Variants in RYR3 observed in about 807,000 individuals in gnomAD.
RYR3 encodes ryanodine receptor 3.
In RYR3, 207 loss-of-function variants were observed where a neutral mutation model predicts 584.3. The observed-to-expected ratio is 0.35, with a 90% CI of 0.32 to 0.40. The LOEUF is 0.40. Among genes scored for constraint, RYR3 ranks in the 10% least tolerant of loss-of-function variants. The pLI is 1.00. For synonymous variants in RYR3, 2,416 were observed against 2,248.5 expected (o/e 1.07, Z -2.11); for missense variants, 5,616 against 6,089.2 (o/e 0.92, Z 2.59).
chr15:33,425,866 TCTC>T (rs1490843336), intron 1 of RYR3, among the ~76,000 whole-genome samples: 3 of 152,022 alleles, frequency 2.0e-5, no homozygotes, highest in East Asian at 1.9e-4. Context: ...ATGGTCTCAA[TCTC>T]CTGACCTCGT....
At chr15:33,781,625 C>A (rs748745062) in intron 65 of RYR3, among the ~76,000 whole-genome samples, 5 of 152,120 alleles carry the variant, frequency 3.3e-5, no homozygotes, top group Admixed American at 6.6e-5. Context: ...GTAAGAGGAG[C>A]ACATTGCCCC....
At chr15:33,318,040 T>C (rs1968442477) in intron 1 of RYR3, among the ~76,000 whole-genome samples, 1 of 152,216 alleles carries the variant, frequency 6.6e-6, no homozygotes, top group South Asian at 2.1e-4. Flanking sequence ...TAAAATCAGA[T>C]TACAAAGAGA....
At chr15:33,404,819 A>G (rs1031458839) in intron 1 of RYR3, among the ~76,000 whole-genome samples, 1 of 152,232 alleles carries the variant, frequency 6.6e-6, no homozygotes, top group Non-Finnish European at 1.5e-5. Context: ...TTTCATTTGT[A>G]TACATAACTT....
chr15:33,338,103 C>T, intron 1 of RYR3, among the ~76,000 whole-genome samples: 1 of 152,004 alleles, frequency 6.6e-6, no homozygotes, highest in East Asian at 1.9e-4. Flanking sequence ...CGCCACCACG[C>T]CCGGCTAAGT....
intron 1 of RYR3, among the ~76,000 whole-genome samples, chr15:33,334,384 T>C (rs1400481860): frequency 6.6e-6 from 1 of 152,142 alleles, no homozygotes; most frequent in Non-Finnish European, 1.5e-5. Flanking sequence ...ACCACACACC[T>C]ACAACTATTG....
chr15:33,503,359 T>C (rs2052173371), intron 2 of RYR3, among the ~76,000 whole-genome samples: 1 of 151,962 alleles, frequency 6.6e-6, no homozygotes. Flanking sequence ...GGCAAGGCTA[T>C]ATCTGTGTTC....
intron 49 of RYR3, 26 bp downstream of exon 49, chr15:33,736,351 TAC>T (rs1481468954): frequency 1.3e-6 from 2 of 1,489,288 alleles, no homozygotes; most frequent in Non-Finnish European, 1.9e-6. Flanking sequence ...GTTACAGAAA[TAC>T]AGTCTATTGC....
intron 94 of RYR3, chr15:33,849,424 G>A (rs2078946285): frequency 6.6e-6 from 1 of 152,288 alleles, no homozygotes; most frequent in Non-Finnish European, 1.5e-5. Flanking sequence ...AGAAGGATGA[G>A]AATATCATCC....
At chr15:33,651,959 C>G (rs1015058876) in intron 31 of RYR3, among the ~76,000 whole-genome samples, 1 of 152,198 alleles carries the variant, frequency 6.6e-6, no homozygotes, top group Non-Finnish European at 1.5e-5. Flanking sequence ...CCACAGCTCA[C>G]CTGGGATGTG....
At chr15:33,862,726 T>G (rs143503491) in intron 102 of RYR3, among the ~76,000 whole-genome samples, 4,940 of 152,302 alleles carry the variant, frequency 0.032, 159 homozygotes, top group Non-Finnish European at 0.039. Context: ...TTCTCCTGCC[T>G]CAGCCTCCTG....
At position 33,865,158 on chromosome 15, in the gene RYR3, G is replaced by A; in HGVS notation, c.14545G>A (p.Glu4849Lys). 6.2e-7 allele frequency: 1 copy of A among 1,613,718 alleles called. No individual in the cohort carries two copies. The highest frequency in any genetic ancestry group is 8.5e-7 in the Non-Finnish European group (1 of 1,179,746). Reference sequence around the variant, plus strand: ...ATCTTATGTCTGGAAGATGTACCAAGAAAGGTGTTGGGATTTCTTCCCAGC... The same window carrying A: ...ATCTTATGTCTGGAAGATGTACCAAAAAAGGTGTTGGGATTTCTTCCCAGC... ...QESYVWKMYQ[E>K]RCWDFFPAGD... is the part of the protein sequence containing the mutation. Residue 4849 changes from glutamate to lysine, a missense_variant, in exon 104 of 104, where the codon GAA becomes AAA. Glu to Lys is a moderately conservative substitution (Grantham distance 56). Coordinates refer to ENST00000634891, the MANE Select transcript of RYR3 (RefSeq NM_001036.6).
At chr15:33,488,384 G>A (rs1300964787) in intron 2 of RYR3, among the ~76,000 whole-genome samples, 2 of 150,332 alleles carry the variant, frequency 1.3e-5, no homozygotes, top group Admixed American at 6.6e-5. Flanking sequence ...TTTTGGTCTC[G>A]ATTAGCAGTA....
chr15:33,396,629 A>AGTGCTG (rs1307772671), intron 1 of RYR3, among the ~76,000 whole-genome samples: 5 of 152,198 alleles, frequency 3.3e-5, no homozygotes, highest in Non-Finnish European at 5.9e-5. Flanking sequence ...CTGCCTGTGT[A>AGTGCTG]CAAATCTAAT....
chr15:33,436,679 T>C (rs2045759043), intron 1 of RYR3, among the ~76,000 whole-genome samples: 2 of 151,504 alleles, frequency 1.3e-5, no homozygotes, highest in Admixed American at 1.3e-4. Flanking sequence ...TTTTTTTTTG[T>C]ATTTTTAGTA....
Position 33,530,605 on chromosome 15 carries a change from G to A in RYR3, c.293G>A (p.Gly98Asp). 6.2e-7 allele frequency: 1 copy of A among 1,613,270 alleles called. No homozygotes were observed. The highest frequency in any genetic ancestry group is 8.5e-7 in the Non-Finnish European group (1 of 1,179,360). The change falls in exon 4 of 104, where the codon GGT becomes GAT. Residue 98 changes from glycine to aspartate, a missense_variant. Coordinates refer to ENST00000634891, the MANE Select transcript of RYR3 (RefSeq NM_001036.6). Reference sequence around the variant, plus strand: ...TCATTCCCACAGGCAGCACAAGGAGGTGGCCACAGGACCCTGTTATACGGC... The same window carrying A: ...TCATTCCCACAGGCAGCACAAGGAGATGGCCACAGGACCCTGTTATACGGC... ...ENGGEGAAQG[G>D]GHRTLLYGHA...
In RYR3 at chr15:33,613,182, G is replaced by T; in HGVS notation, c.2165-1G>T. On this transcript the variant is annotated splice_acceptor_variant, in intron 18 of 103. Transcript: ENST00000634891. LOFTEE classifies it high-confidence loss of function. ...CCTTCTTCCTGTTCTTTCCTCACCA[G>T]GCCGGATACCCAGAGCTGTGGCTTC... The T allele has an allele frequency of 6.2e-7, 1 of 1,612,790 alleles. No individual in the cohort carries two copies. The highest frequency in any genetic ancestry group is 1.1e-5 in the South Asian group (1 of 90,846).
intron 20 of RYR3, among the ~76,000 whole-genome samples, chr15:33,624,369 A>C (rs2060878255): frequency 6.6e-6 from 1 of 152,244 alleles, no homozygotes; most frequent in African/African-American, 2.4e-5. Flanking sequence ...GACAGTATGC[A>C]CCAGTAAATA....
At chr15:33,398,466 G>C (rs1453490456) in intron 1 of RYR3, among the ~76,000 whole-genome samples, 1 of 152,260 alleles carries the variant, frequency 6.6e-6, no homozygotes, top group East Asian at 1.9e-4. Flanking sequence ...GAGACAGATG[G>C]GTTAAATGAT....
At chr15:33,824,326 T>C (rs1165400981) in intron 81 of RYR3, among the ~76,000 whole-genome samples, 1 of 152,248 alleles carries the variant, frequency 6.6e-6, no homozygotes, top group African/African-American at 2.4e-5. Flanking sequence ...GGGTTTTTTA[T>C]GATTATAAGA....
Sources: gnomAD v4.1 joint callset for allele counts (sites outside exome capture counted in the v4.1 genomes callset) on GRCh38, gnomAD v4.1.1 for gene constraint, MANE v1.5 for transcripts, NCBI Gene and HGNC (gene_info 2026-07-23, HGNC 2026-07-21) for gene names.